CSGALNACT1: variants seen among roughly 807,000 people sequenced by gnomAD.
CSGALNACT1 encodes the protein beta4GalNAcT-1.
Under a neutral mutation model 51.0 loss-of-function variants are expected in CSGALNACT1, and 52 were observed. The observed-to-expected ratio is 1.02, with a 90% CI of 0.82 to 1.29. The LOEUF is 1.29. Among genes scored for constraint, CSGALNACT1 ranks in the 50% most tolerant of loss-of-function variants. The pLI is 0.00. For synonymous variants in CSGALNACT1, 341 were observed against 254.4 expected, an observed-to-expected ratio of 1.34 and a Z score of -3.24; for missense variants, 935 against 679.2, an observed-to-expected ratio of 1.38 and a Z score of -4.19.
chr8:19,594,867 A>G (rs1190489003), intron 2 of CSGALNACT1, among the ~76,000 whole-genome samples: 1 of 151,984 alleles, frequency 6.6e-6, no homozygotes, highest in Non-Finnish European at 1.5e-5. Flanking sequence ...TTTTAATTCA[A>G]TCCATTTTCC....
intron 5 of CSGALNACT1, among the ~76,000 whole-genome samples, chr8:19,450,051 T>TGGAAGAA: frequency 1.0e-5 from 1 of 95,862 alleles, no homozygotes; most frequent in South Asian, 4.1e-4. Context: ...CAAAATGGGG[T>TGGAAGAA]GGAAGAAGAA....
At chr8:19,525,012 G>T (rs886688499) in intron 3 of CSGALNACT1, among the ~76,000 whole-genome samples, 2 of 152,156 alleles carry the variant, frequency 1.3e-5, no homozygotes, top group African/African-American at 2.4e-5. Context: ...TTGAGAAATA[G>T]TGCCTAGCAC....
At chr8:19,706,807 T>G (rs1439704461) in intron 1 of CSGALNACT1, among the ~76,000 whole-genome samples, 3 of 152,086 alleles carry the variant, frequency 2.0e-5, no homozygotes, top group Admixed American at 6.5e-5. Context: ...TTAAATCTTT[T>G]GTAGAGACAG....
chr8:19,668,057 C>T (rs1564389730), intron 1 of CSGALNACT1, among the ~76,000 whole-genome samples: 1 of 152,156 alleles, frequency 6.6e-6, no homozygotes, highest in Non-Finnish European at 1.5e-5. Context: ...GCATATATTA[C>T]ATCCTTTAAC....
intron 3 of CSGALNACT1, among the ~76,000 whole-genome samples, chr8:19,525,290 T>G (rs1349747075): frequency 6.6e-6 from 1 of 152,082 alleles, no homozygotes; most frequent in East Asian, 1.9e-4. Flanking sequence ...GCCTTTATTT[T>G]TGTTTCTACT....
chr8:19,407,906 TGTGTGTGTGTGTGTGTGTGTG>T (rs975403594), intron 9 of CSGALNACT1, among the ~76,000 whole-genome samples: 6 of 45,648 alleles, frequency 1.3e-4, no homozygotes, highest in African/African-American at 6.0e-4. Flanking sequence ...GTATATGAAT[TGTGTGTGTGTGTGTGTGTGTG>T]TGTGTGTGTG....
intron 4 of CSGALNACT1, among the ~76,000 whole-genome samples, chr8:19,472,761 T>G: frequency 6.6e-6 from 1 of 152,230 alleles, no homozygotes; most frequent in Admixed American, 6.5e-5. Flanking sequence ...GCTTATCAAC[T>G]TTCCAAAGCA....
chr8:19,642,104 A>C (rs1402081310), intron 1 of CSGALNACT1: 1 of 152,224 alleles, frequency 6.6e-6, no homozygotes, highest in Admixed American at 6.5e-5. Flanking sequence ...ATAGGCACTA[A>C]AACAGAGTTC....
At chr8:19,471,316 G>A (rs577226713) in intron 4 of CSGALNACT1, among the ~76,000 whole-genome samples, 11 of 152,200 alleles carry the variant, frequency 7.2e-5, no homozygotes, top group Admixed American at 2.6e-4. Context: ...GGGAAGAGGC[G>A]AGCCTATAAA....
chr8:19,672,294 C>T (rs1456122311), intron 1 of CSGALNACT1, among the ~76,000 whole-genome samples: 3 of 152,122 alleles, frequency 2.0e-5, no homozygotes, highest in African/African-American at 7.2e-5. Flanking sequence ...ACGCCTAACA[C>T]AGTAGCAGGA....
At chr8:19,575,872 G>A (rs183073481) in intron 3 of CSGALNACT1, among the ~76,000 whole-genome samples, 469 of 152,234 alleles carry the variant, frequency 3.1e-3, no homozygotes, top group African/African-American at 0.011. Context: ...ATAGGTTCAT[G>A]AGAGTTCATT....
chr8:19,587,730 A>T (rs2154129765), intron 3 of CSGALNACT1: 1 of 152,232 alleles, frequency 6.6e-6, no homozygotes, highest in South Asian at 2.1e-4. Flanking sequence ...AGAAACTGGT[A>T]CTCTCCAACC....
chr8:19,587,190 A>T (rs919975720), intron 3 of CSGALNACT1, among the ~76,000 whole-genome samples: 1 of 152,208 alleles, frequency 6.6e-6, no homozygotes, highest in African/African-American at 2.4e-5. Context: ...TGCTTTTCAA[A>T]ATTGCAGGTA....
intron 1 of CSGALNACT1, among the ~76,000 whole-genome samples, chr8:19,753,979 T>G (rs1199206640): frequency 1.3e-5 from 2 of 152,186 alleles, no homozygotes; most frequent in Non-Finnish European, 2.9e-5. Flanking sequence ...AAGGTGACTT[T>G]CAGTGATGCA....
chr8:19,719,981 T>C (rs576168636), intron 1 of CSGALNACT1, among the ~76,000 whole-genome samples: 5 of 152,362 alleles, frequency 3.3e-5, no homozygotes, highest in South Asian at 2.1e-4. Flanking sequence ...AGGAGCACAC[T>C]AGGCTGGCTC....
chr8:19,440,124 GACA>G (rs1225940799), intron 5 of CSGALNACT1, among the ~76,000 whole-genome samples, 193 bp from the exon 5 acceptor site: 3 of 152,114 alleles, frequency 2.0e-5, no homozygotes, highest in Admixed American at 1.3e-4. Flanking sequence ...ATCTTATCGG[GACA>G]ACAAGGAAAT....
chr8:19,471,141 A>G (rs1458148982), intron 4 of CSGALNACT1, among the ~76,000 whole-genome samples: 2 of 151,218 alleles, frequency 1.3e-5, no homozygotes, highest in Non-Finnish European at 2.9e-5. Flanking sequence ...AGAGAGAGAG[A>G]AAAAAAAAGG....
intron 1 of CSGALNACT1, among the ~76,000 whole-genome samples, chr8:19,677,155 A>G (rs1288292850): frequency 1.3e-5 from 2 of 151,878 alleles, no homozygotes; most frequent in Non-Finnish European, 2.9e-5. Flanking sequence ...GTCACCCAGG[A>G]TGGAATACAG....
chr8:19,467,260 C>T (rs937305109), intron 4 of CSGALNACT1, among the ~76,000 whole-genome samples: 1 of 151,862 alleles, frequency 6.6e-6, no homozygotes, highest in African/African-American at 2.4e-5. Flanking sequence ...GCTGGGACTA[C>T]AGGAGCCCGC....
Sources: gnomAD v4.1 joint callset for allele counts (sites outside exome capture counted in the v4.1 genomes callset) on GRCh38, gnomAD v4.1.1 for gene constraint, MANE v1.5 for transcripts, NCBI Gene and HGNC (gene_info 2026-07-23, HGNC 2026-07-21) for gene names.